The following PECR variants were observed in gnomAD, a reference collection of about 807,000 sequenced individuals.
PECR encodes 2,4-dienoyl-CoA reductase-related protein.
Under a neutral mutation model 35.3 loss-of-function variants are expected in PECR, and 30 were observed. The ratio of observed to expected loss-of-function variants is 0.85; its 90% confidence interval spans 0.64 to 1.15. The LOEUF (loss-of-function observed/expected upper bound fraction) is 1.15, where lower values mean the gene tolerates loss of function less well. PECR is among the 50% of genes most tolerant of loss of function. PECR has a pLI of 0.00. For missense variants in PECR, 392 were observed against 370.8 expected (o/e 1.06, Z -0.47); for synonymous variants, 148 against 138.9 (o/e 1.07, Z -0.46).
chr2:216,074,957 T>C (rs947354773), intron 1 of PECR, among the ~76,000 whole-genome samples: 1 of 152,206 alleles, frequency 6.6e-6, no homozygotes, highest in Admixed American at 6.5e-5. Flanking sequence ...TTAAAATGAA[T>C]GAGATATGAC....
chr2:216,036,649 T>C (rs976335118), downstream of PECR, among the ~76,000 whole-genome samples: 3 of 152,246 alleles, frequency 2.0e-5, no homozygotes, highest in African/African-American at 7.2e-5. Flanking sequence ...TGCTGCAATC[T>C]GAGATGCCTC....
chr2:216,036,562 G>A (rs182061746), downstream of PECR, among the ~76,000 whole-genome samples: 19 of 152,258 alleles, frequency 1.2e-4, no homozygotes, highest in East Asian at 1.2e-3. Flanking sequence ...CCCACTGAGC[G>A]CCTGCTGGTA....
chr2:216,035,204 T>C (rs1283243105), downstream of PECR, among the ~76,000 whole-genome samples: 2 of 152,172 alleles, frequency 1.3e-5, no homozygotes, highest in Non-Finnish European at 2.9e-5. Flanking sequence ...GGAGAGACAT[T>C]GGAGGAGGAA....
chr2:216,030,208 C>A (rs1694659036), intron 7 of PECR, among the ~76,000 whole-genome samples: 1 of 152,158 alleles, frequency 6.6e-6, no homozygotes, highest in Non-Finnish European at 1.5e-5. Context: ...TTACACTATT[C>A]TCTTTAGCCT....
At chr2:216,077,462 G>A (rs1277734133) in intron 1 of PECR, among the ~76,000 whole-genome samples, 8 of 151,106 alleles carry the variant, frequency 5.3e-5, no homozygotes, top group South Asian at 2.1e-4. Context: ...AGCCAAGATC[G>A]CGCCACCGCA....
chr2:216,054,918 C>T (rs1695194713), intron 4 of PECR, among the ~76,000 whole-genome samples: 1 of 151,482 alleles, frequency 6.6e-6, no homozygotes, highest in African/African-American at 2.4e-5. Context: ...CAAGACCAGC[C>T]TGGCCAGCAC....
chr2:216,031,314 G>A (rs113903488), intron 7 of PECR, among the ~76,000 whole-genome samples: 3,170 of 152,080 alleles, frequency 0.021, 125 homozygotes, highest in African/African-American at 0.072. Context: ...GGCTGAGACA[G>A]GAGAATTGCT....
At chr2:216,055,612 A>G (rs1209536993) in intron 4 of PECR, among the ~76,000 whole-genome samples, 1 of 151,748 alleles carries the variant, frequency 6.6e-6, no homozygotes. Flanking sequence ...ATACTTGAAT[A>G]TAAATGTTTT....
At chr2:216,034,764 A>G (rs1264702160), downstream of PECR, among the ~76,000 whole-genome samples, 3 of 152,038 alleles carry the variant, frequency 2.0e-5, no homozygotes, top group Admixed American at 2.0e-4. Context: ...GCTCCAGGGG[A>G]GTGTCATTTC....
intron 1 of PECR, among the ~76,000 whole-genome samples, chr2:216,073,566 C>A (rs901771184): frequency 6.6e-6 from 1 of 152,062 alleles, no homozygotes; most frequent in Admixed American, 6.5e-5. Context: ...GTGCTCTATA[C>A]AGGTGTACCA....
At position 216,039,171 on chromosome 2, in the gene PECR, A is replaced by C. The variant is rs10197542; in HGVS notation, c.*104T>G. Reference sequence around the variant, plus strand: ...GATATAATTAATAACACTTAAAAATAAGAAAAATGTTTTCCATACCAACTA... The same window carrying C: ...GATATAATTAATAACACTTAAAAATCAGAAAAATGTTTTCCATACCAACTA... On this transcript the variant is annotated 3_prime_UTR_variant, in exon 8 of 8. Coordinates refer to ENST00000265322, the MANE Select transcript of PECR (RefSeq NM_018441.6). 93,891 of 745,734 alleles carry C rather than the reference A, an allele frequency of 0.13. 7,697 individuals are homozygous for C. Among genetic ancestry groups the C allele is most frequent in the East Asian group, 0.26 (10,230 of 39,454 alleles). The allele number at this position is 745,734 out of a possible 1,614,324, so 46.2% of individuals were successfully genotyped here. A position where few individuals can be genotyped will look rare whatever the true frequency, so the allele number is the denominator to read the frequency against.
At chr2:216,061,295 G>C (rs1045525546) in intron 3 of PECR, among the ~76,000 whole-genome samples, 1 of 104,682 alleles carries the variant, frequency 9.6e-6, no homozygotes, top group Non-Finnish European at 1.7e-5. Context: ...CCAGGTGACA[G>C]AGTGAAACCC....
At chr2:216,063,099 CT>C (rs953872735) in intron 3 of PECR, among the ~76,000 whole-genome samples, 40 of 151,966 alleles carry the variant, frequency 2.6e-4, no homozygotes, top group African/African-American at 6.5e-4. Context: ...TAAATACATA[CT>C]TTTTTTTAAC....
intron 7 of PECR, among the ~76,000 whole-genome samples, chr2:216,033,235 T>A (rs866459709): frequency 4.6e-5 from 7 of 152,274 alleles, no homozygotes; most frequent in Admixed American, 6.5e-5. Flanking sequence ...CTTCCTCCAT[T>A]TTTTTAAGTT....
chr2:216,053,480 G>A (rs187328820), intron 4 of PECR, among the ~76,000 whole-genome samples: 2 of 151,328 alleles, frequency 1.3e-5, no homozygotes, highest in East Asian at 2.0e-4. Context: ...TCCTGACCTC[G>A]TGATCTGCCT....
chr2:216,051,330 T>A (rs1695111074), intron 5 of PECR, 119 bp downstream of exon 5: 3 of 714,284 alleles, frequency 4.2e-6, no homozygotes, highest in Non-Finnish European at 5.0e-6. Context: ...ATTTTATCTA[T>A]GTTTTAAAGT....
rs1694839908 is a variant in PECR at position 216,038,783 on chromosome 2, G to GT, written c.*491dup. 1 of 169,016 alleles carries GT rather than the reference G, an allele frequency of 5.9e-6. No individual in the cohort carries two copies. The highest frequency in any genetic ancestry group is 1.3e-5 in the Non-Finnish European group (1 of 78,302). 10.5% of individuals were successfully genotyped at this position (169,016 alleles called of 1,614,324 possible). A position where few individuals can be genotyped will look rare whatever the true frequency, so the allele number is the denominator to read the frequency against. On this transcript the variant is annotated 3_prime_UTR_variant, in exon 8 of 8. Transcript: ENST00000265322. ...GTGCCACCACACCCGACTAATTTGT[G>GT]TTTTTGTTTTTGTTGTTTTTCAGTA...
intron 4 of PECR, among the ~76,000 whole-genome samples, chr2:216,054,437 G>A (rs1305845563): frequency 7.4e-6 from 1 of 134,510 alleles, no homozygotes; most frequent in South Asian, 2.3e-4. Context: ...CCAGATTCAA[G>A]TGATTCTCAT....
At chr2:216,041,084 T>A (rs1056428628) in intron 7 of PECR, among the ~76,000 whole-genome samples, 1 of 152,088 alleles carries the variant, frequency 6.6e-6, no homozygotes, top group Admixed American at 6.6e-5. Context: ...AACACCATAG[T>A]GAAAGGCTGA....
Sources: gnomAD v4.1 joint callset for allele counts (sites outside exome capture counted in the v4.1 genomes callset) on GRCh38, gnomAD v4.1.1 for gene constraint, MANE v1.5 for transcripts, NCBI Gene and HGNC (gene_info 2026-07-23, HGNC 2026-07-21) for gene names.